The following CUX1 variants were observed in gnomAD, a reference collection of about 807,000 sequenced individuals.
CUX1 encodes the protein protein CASP.
Under a neutral mutation model 158.8 loss-of-function variants are expected in CUX1, and 31 were observed. The ratio of observed to expected loss-of-function variants is 0.20; its 90% CI spans 0.15 to 0.26. The LOEUF is 0.26. Among genes scored for constraint, CUX1 ranks in the 10% least tolerant of loss-of-function variants. The pLI is 1.00. For synonymous variants in CUX1, 879 were observed against 862.1 expected (o/e 1.02, Z -0.34); for missense variants, 1,589 against 2,014.6 (o/e 0.79, Z 4.04).
intron 8 of CUX1, among the ~76,000 whole-genome samples, chr7:102,139,951 A>C (rs896972283): frequency 9.2e-5 from 14 of 152,132 alleles, no homozygotes; most frequent in Non-Finnish European, 1.8e-4. Context: ...TGACAGGTCT[A>C]AGCCACTCTG....
intron 1 of CUX1, among the ~76,000 whole-genome samples, chr7:101,892,632 A>G (rs536855060): frequency 7.2e-5 from 11 of 152,328 alleles, no homozygotes; most frequent in Non-Finnish European, 1.3e-4. Context: ...TGTTCCTATC[A>G]GTATGTTGTT....
chr7:102,075,131 T>A (rs186423562), intron 4 of CUX1, among the ~76,000 whole-genome samples: 2 of 152,320 alleles, frequency 1.3e-5, no homozygotes, highest in African/African-American at 4.8e-5. Flanking sequence ...AGTGCTGGGA[T>A]TACAGGCGTG....
chr7:102,173,348 C>T (rs1791944874), intron 10 of CUX1, among the ~76,000 whole-genome samples: 1 of 152,138 alleles, frequency 6.6e-6, no homozygotes, highest in African/African-American at 2.4e-5. Flanking sequence ...CAGCAAGACT[C>T]CATCTCAAAA....
chr7:101,990,508 C>G (rs1044460817), intron 2 of CUX1, among the ~76,000 whole-genome samples: 3 of 152,132 alleles, frequency 2.0e-5, no homozygotes, highest in African/African-American at 7.2e-5. Context: ...TCCCAAGTAG[C>G]TGGGATTACA....
At chr7:102,074,743 T>C (rs972863985) in intron 4 of CUX1, among the ~76,000 whole-genome samples, 1 of 152,216 alleles carries the variant, frequency 6.6e-6, no homozygotes, top group African/African-American at 2.4e-5. Context: ...CCGCCTGGAC[T>C]TTCCCACTGG....
In CUX1 at chr7:102,254,925, C is replaced by T. The variant is rs1789726431; in HGVS notation, c.*5883C>T. 8.1e-6 allele frequency: 8 copies of T among 985,314 alleles called. No homozygotes were observed. Among genetic ancestry groups the T allele is most frequent in the Non-Finnish European group, 8.4e-6 (7 of 829,962 alleles). The allele number at this position is 985,314 out of a possible 1,614,324, so 61.0% of individuals were successfully genotyped here. On this transcript the variant is annotated 3_prime_UTR_variant, in exon 24 of 24. Transcript: ENST00000292535. ...GAAAACTACCAGGGAAAAGGGGAAG[C>T]AGGTACCCAATAAAGTTTAGAAAGA...
chr7:102,125,582 C>T (rs1241537304), intron 8 of CUX1: 1 of 151,632 alleles, frequency 6.6e-6, no homozygotes, highest in Non-Finnish European at 1.5e-5. Flanking sequence ...ACCCAGGGAC[C>T]TTGTGAAGAG....
At chr7:101,871,463 G>C (rs1392595996) in intron 1 of CUX1, among the ~76,000 whole-genome samples, 1 of 152,102 alleles carries the variant, frequency 6.6e-6, no homozygotes. Flanking sequence ...GAGCCACTTG[G>C]TGGAGGTGCC....
At position 102,251,505 on chromosome 7, in the gene CUX1, TG is replaced by T. The variant is rs1429167581; in HGVS notation, c.*2466del. 1 of 985,304 alleles carries T rather than the reference TG, an allele frequency of 1.0e-6. No individual in the cohort carries two copies. Among genetic ancestry groups the T allele is most frequent in the Non-Finnish European group, 1.2e-6 (1 of 829,920 alleles). The allele number at this position is 985,304 out of a possible 1,614,324, so 61.0% of individuals were successfully genotyped here. On this transcript the variant is annotated 3_prime_UTR_variant, in exon 24 of 24. Coordinates refer to ENST00000292535, the MANE Select transcript of CUX1 (RefSeq NM_181552.4). The stretch of plus-strand genomic sequence containing the variant: ...AAGTTTTCAGAAGGCTCTAGGGGGC[TG>T]GGAGGCAGGCTGTTCGTTTGTCTTT...
chr7:102,197,506 C>T (rs1554518719), intron 15 of CUX1, among the ~76,000 whole-genome samples: 2 of 152,196 alleles, frequency 1.3e-5, no homozygotes, highest in African/African-American at 4.8e-5. Context: ...GAGATCTGGC[C>T]TTTGAAACGC....
chr7:102,275,779 C>T (rs1791564622), intron 17 of CUX1, among the ~76,000 whole-genome samples: 1 of 152,122 alleles, frequency 6.6e-6, no homozygotes, highest in South Asian at 2.1e-4. Flanking sequence ...GAGGCTGAGG[C>T]AAGTGGATCA....
At chr7:102,259,791 GAAGA>G (rs1554543253), downstream of CUX1, among the ~76,000 whole-genome samples, 2 of 148,658 alleles carry the variant, frequency 1.3e-5, no homozygotes, top group Non-Finnish European at 3.0e-5. Flanking sequence ...GGAAAGGAAG[GAAGA>G]AAGAACAGTT....
intron 16 of CUX1, 81 bp downstream of exon 16, chr7:102,198,948 C>A: frequency 7.7e-7 from 1 of 1,299,068 alleles, no homozygotes; most frequent in Non-Finnish European, 1.1e-6. Context: ...TGGGTTAAAA[C>A]TGTGCAGTGT....
At position 101,825,878 on chromosome 7, in the gene CUX1, G is replaced by A. The variant is rs532277580; in HGVS notation, c.30+8209G>A. ...TCTTTCTAACACACGAGCTGAGTGCGTCGTCTTTTACTTGTTTCAAAACTG... is the reference window on the plus strand; with the variant it reads ...TCTTTCTAACACACGAGCTGAGTGCATCGTCTTTTACTTGTTTCAAAACTG... On this transcript the variant is annotated intron_variant, in intron 1 of 23. Transcript: ENST00000292535. Among the ~76,000 whole-genome samples the A allele has an allele frequency of 4.6e-5, 7 of 151,830 alleles. No individual in the cohort carries two copies. The East Asian group carries it at 9.7e-4, about 21-fold the overall frequency.
In CUX1 at chr7:102,255,124, C is replaced by G. The variant is rs1776577115; in HGVS notation, c.*6082C>G. On this transcript the variant is annotated 3_prime_UTR_variant, in exon 24 of 24. Coordinates refer to ENST00000292535, the MANE Select transcript of CUX1 (RefSeq NM_181552.4). ...CCCAGAGGCCCCGGCGGCCTGTGCT[C>G]CTCACCACCCTGGTCAGGGGAATAG... The G allele has an allele frequency of 1.0e-6, 1 of 985,318 alleles. No homozygotes were observed. Among genetic ancestry groups the G allele is most frequent in the Non-Finnish European group, 1.2e-6 (1 of 829,910 alleles). The allele number at this position is 985,318 out of a possible 1,614,324, so 61.0% of individuals were successfully genotyped here.
chr7:102,266,119 T>A (rs1790789360), intron 14 of CUX1, among the ~76,000 whole-genome samples: 1 of 150,446 alleles, frequency 6.6e-6, no homozygotes, highest in Non-Finnish European at 1.5e-5. Flanking sequence ...CAGGAGAATC[T>A]CTTGAACCCA....
In CUX1 at chr7:102,205,913, C is replaced by G. The variant is rs1286634203; in HGVS notation, c.3130+743C>G. Among the ~76,000 whole-genome samples the G allele has an allele frequency of 1.3e-5, 2 of 152,296 alleles. 1 individual carries two copies. Among genetic ancestry groups the G allele is most frequent in the Admixed American group, 1.3e-4 (2 of 15,292 alleles). ...CGCCTCCCTTCTCGTGCGCCAATCCCACACTTGGAGCTGAGCTTTTCACAG... is the reference window on the plus strand; with the variant it reads ...CGCCTCCCTTCTCGTGCGCCAATCCGACACTTGGAGCTGAGCTTTTCACAG... On this transcript the variant is annotated intron_variant, in intron 20 of 23. Coordinates refer to ENST00000292535, the MANE Select transcript of CUX1 (RefSeq NM_181552.4).
At chr7:102,070,255 A>C in intron 3 of CUX1, 84 bp from the exon 4 acceptor site, 4 of 1,173,314 alleles carry the variant, frequency 3.4e-6, no homozygotes, top group Non-Finnish European at 4.9e-6. Context: ...ACGGGAATTC[A>C]CTAGATGTGT....
In CUX1 at chr7:102,065,545, G is replaced by A. The variant is rs1465606454; in HGVS notation, c.190-4794G>A. 2.6e-5 allele frequency among the ~76,000 whole-genome samples: 4 copies of A among 152,148 alleles called. No homozygotes were observed. In the South Asian group the frequency reaches 8.3e-4, roughly 32 times the overall value. ...GGAGGGGACTTTATCATTTAGAAAA[G>A]GATCTTTTAAGTCATCTCTTTTAAG... On this transcript the variant is annotated intron_variant, in intron 3 of 23. Coordinates refer to ENST00000292535, the MANE Select transcript of CUX1 (RefSeq NM_181552.4).
Sources: allele counts gnomAD v4.1 joint callset (sites outside exome capture counted in the v4.1 genomes callset), GRCh38; gene constraint gnomAD v4.1.1; transcripts MANE v1.5; gene names NCBI Gene and HGNC (gene_info 2026-07-23, HGNC 2026-07-21).